WNK3: variants seen among roughly 807,000 people sequenced by gnomAD.
WNK3 encodes serine/threonine-protein kinase WNK3.
Under a neutral mutation model 116.7 loss-of-function variants are expected in WNK3, and 18 were observed. The ratio of observed to expected loss-of-function variants is 0.15; its 90% CI spans 0.11 to 0.23. The LOEUF (loss-of-function observed/expected upper bound fraction) is 0.23, where lower values mean the gene tolerates loss of function less well. WNK3 is among the 10% of genes least tolerant of loss of function. WNK3 has a pLI of 1.00. For missense variants in WNK3, 993 were observed against 1,323.8 expected (o/e 0.75, Z 3.88); for synonymous variants, 404 against 469.4 (o/e 0.86, Z 1.80).
intron 1 of WNK3, among the ~76,000 whole-genome samples, chrX:54,348,118 GTA>G (rs1397555138): frequency 6.1e-5 from 6 of 97,731 alleles, no homozygotes; most frequent in Non-Finnish European, 1.2e-4. Context: ...AGATTTCATT[GTA>G]TATATGTGTG....
At chrX:54,239,359 T>C (rs2067999468) in intron 17 of WNK3, among the ~76,000 whole-genome samples, 1 of 111,141 alleles carries the variant, frequency 9.0e-6, no homozygotes, top group South Asian at 3.8e-4. Flanking sequence ...ATTTAGACTT[T>C]AGTAAATAAA....
At chrX:54,279,720 T>C (rs559009316) in intron 10 of WNK3, among the ~76,000 whole-genome samples, 3 of 112,225 alleles carry the variant, frequency 2.7e-5, no homozygotes, top group African/African-American at 9.7e-5. Context: ...ATACAAATAC[T>C]GAAAAGGGAC....
intron 10 of WNK3, among the ~76,000 whole-genome samples, chrX:54,289,673 G>A (rs1465487602): frequency 9.0e-6 from 1 of 111,123 alleles, no homozygotes; most frequent in Non-Finnish European, 1.9e-5. Flanking sequence ...ACTTCTGATG[G>A]GTATGGCTGT....
At position 54,208,096 on chromosome X, in the gene WNK3, C is replaced by G. The variant is rs146119210; in HGVS notation, c.4871-5903G>C. Among the ~76,000 whole-genome samples, 376 of 110,303 alleles carry G rather than the reference C, an allele frequency of 3.4e-3. 2 individuals carry two copies. The highest frequency in any genetic ancestry group is 0.012 in the African/African-American group (355 of 30,413). ...TATTTATCTACCTTACAGAGATGTT[C>G]TGAGGATTAAGATAATATATATAAT... is the stretch of plus-strand genomic sequence containing the variant. On this transcript the variant is annotated intron_variant, in intron 22 of 23. Coordinates refer to ENST00000354646, the Ensembl canonical transcript of WNK3.
intron 20 of WNK3, among the ~76,000 whole-genome samples, chrX:54,234,614 C>T (rs1569536180): frequency 9.0e-6 from 1 of 111,378 alleles, no homozygotes; most frequent in Non-Finnish European, 1.9e-5. Context: ...ATCACGAGGT[C>T]AGGAGATTGA....
chrX:54,324,812 C>T (rs1326777193), intron 2 of WNK3, among the ~76,000 whole-genome samples: 2 of 112,337 alleles, frequency 1.8e-5, no homozygotes, highest in African/African-American at 6.5e-5. Flanking sequence ...TGTCCCAGTG[C>T]GAATACTGTA....
chrX:54,275,413 A>ATG (rs782746924), intron 10 of WNK3, among the ~76,000 whole-genome samples: 904 of 58,324 alleles, frequency 0.015, 29 homozygotes, highest in African/African-American at 0.037. Flanking sequence ...GTATAAGTTC[A>ATG]TATGTGTGTG....
At chrX:54,308,646 A>T (rs1557169144) in intron 4 of WNK3, among the ~76,000 whole-genome samples, 1 of 112,188 alleles carries the variant, frequency 8.9e-6, no homozygotes, top group Non-Finnish European at 1.9e-5. Flanking sequence ...CTTTTTACTT[A>T]AATTTTTCTG....
intron 10 of WNK3, among the ~76,000 whole-genome samples, chrX:54,290,284 AAAAG>A (rs2068625176): frequency 9.1e-6 from 1 of 110,270 alleles, no homozygotes; most frequent in African/African-American, 3.3e-5. Context: ...TGAAAAAAAA[AAAAG>A]AAAGAAAGGA....
At chrX:54,333,568 C>T (rs781785725) in exon 2 of WNK3, 1 of 1,209,650 alleles carries the variant, frequency 8.3e-7, no homozygotes. Context: ...AGTCTAGCTT[C>T]TACTGTCAAA....
At chrX:54,209,668 A>G (rs1347028108) in intron 22 of WNK3, among the ~76,000 whole-genome samples, 1 of 100,198 alleles carries the variant, frequency 1.0e-5, no homozygotes, top group Non-Finnish European at 2.0e-5. Flanking sequence ...CTCCTGCCTG[A>G]GCCTCCCAAG....
At chrX:54,266,700 G>A (rs2068314946) in intron 10 of WNK3, among the ~76,000 whole-genome samples, 2 of 109,040 alleles carry the variant, frequency 1.8e-5, no homozygotes, top group African/African-American at 6.6e-5. Flanking sequence ...ACCATGCCCA[G>A]CTAACTTTTA....
At chrX:54,302,753 ATATATT>A (rs1166136754) in intron 5 of WNK3, among the ~76,000 whole-genome samples, 4 of 41,257 alleles carry the variant, frequency 9.7e-5, no homozygotes, top group African/African-American at 3.2e-4. Flanking sequence ...ATATATATAT[ATATATT>A]TTTTTTTTTT....
chrX:54,245,145 CGT>C (rs782272022), intron 17 of WNK3, among the ~76,000 whole-genome samples: 12,003 of 84,200 alleles, frequency 0.14, 689 homozygotes, highest in Non-Finnish European at 0.17. Flanking sequence ...CATATATATG[CGT>C]GTGTGTGTGT....
intron 1 of WNK3, among the ~76,000 whole-genome samples, chrX:54,346,040 GTTT>G (rs2069419722): frequency 9.4e-6 from 1 of 106,550 alleles, no homozygotes; most frequent in Non-Finnish European, 1.9e-5. Context: ...AAACCTTTGT[GTTT>G]TTTATTTTTA....
intron 22 of WNK3, among the ~76,000 whole-genome samples, chrX:54,227,020 CAG>C (rs1471567681): frequency 1.8e-5 from 2 of 110,966 alleles, no homozygotes; most frequent in Non-Finnish European, 3.8e-5. Flanking sequence ...AGAAAAGAAA[CAG>C]ATTAGATTTT....
intron 10 of WNK3, among the ~76,000 whole-genome samples, chrX:54,270,756 C>T (rs1407166995): frequency 9.1e-6 from 1 of 110,087 alleles, no homozygotes; most frequent in Non-Finnish European, 1.9e-5. Context: ...TCAACAGGCC[C>T]GGTGTGTGAT....
chrX:54,301,936 T>C (rs1444261378), intron 5 of WNK3, 77 bp from the exon 6 acceptor site: 7 of 695,118 alleles, frequency 1.0e-5, no homozygotes, highest in Non-Finnish European at 1.3e-5. Context: ...TTAAACATTA[T>C]TTTTATCACT....
At chrX:54,205,232 A>AAACCAACC (rs781988632) in intron 22 of WNK3, among the ~76,000 whole-genome samples, 1 of 96,315 alleles carries the variant, frequency 1.0e-5, no homozygotes, top group Non-Finnish European at 2.0e-5. Context: ...ACACAAAACC[A>AAACCAACC]AACCAACCAA....
Sources: allele counts gnomAD v4.1 joint callset (sites outside exome capture counted in the v4.1 genomes callset), GRCh38; gene constraint gnomAD v4.1.1; transcripts MANE v1.5; gene names NCBI Gene and HGNC (gene_info 2026-07-23, HGNC 2026-07-21).